Variants in TTYH2 observed in about 807,000 individuals in gnomAD.
TTYH2 encodes tweety family member 2.
TTYH2 carries 49 observed loss-of-function variants against 68.3 expected under a neutral mutation model. The observed-to-expected ratio is 0.72, with a 90% CI of 0.57 to 0.91. TTYH2 has a LOEUF of 0.91. Among genes scored for constraint, TTYH2 ranks in the 40% least tolerant of loss-of-function variants. The pLI is 0.00. For missense variants in TTYH2, 631 were observed against 700.4 expected (o/e 0.90, Z 1.12); for synonymous variants, 272 against 300.8 (o/e 0.90, Z 0.99).
intron 10 of TTYH2, chr17:74,252,023 T>C: frequency 1.7e-6 from 1 of 603,244 alleles, no homozygotes; most frequent in South Asian, 2.0e-5. Flanking sequence ...CAGTAAGTGC[T>C]CAGCAAATGT....
chr17:74,240,312 G>A (rs1481115906), intron 4 of TTYH2, among the ~76,000 whole-genome samples: 3 of 152,270 alleles, frequency 2.0e-5, no homozygotes, highest in African/African-American at 4.8e-5. Flanking sequence ...GGTGGCGCAC[G>A]CCTGTAGTCC....
intron 10 of TTYH2, 110 bp downstream of exon 10, chr17:74,250,467 C>A: frequency 1.1e-6 from 1 of 891,894 alleles, no homozygotes; most frequent in Non-Finnish European, 1.7e-6. Flanking sequence ...GGGTCCCCTT[C>A]CGGCCCAGGA....
At chr17:74,220,806 A>G (rs1417542043) in intron 1 of TTYH2, among the ~76,000 whole-genome samples, 1 of 150,042 alleles carries the variant, frequency 6.7e-6, no homozygotes, top group East Asian at 2.0e-4. Context: ...TTTTTTTTCT[A>G]GAAGGGATCT....
rs1043030127 is a variant in TTYH2, at chr17:74,242,752, T to TG, written c.636-618dup. On this transcript the variant is annotated intron_variant, in intron 4 of 13. Transcript: ENST00000269346. ...AGCAAGGGGGCAAGATGGGAGGCCT[T>TG]GGGGAGCCAGGCTGAGTGTTTGTCA... 3.9e-5 allele frequency among the ~76,000 whole-genome samples: 6 copies of TG among 152,176 alleles called. No individual in the cohort carries two copies. The East Asian group carries it at 5.8e-4, about 15-fold the overall frequency.
intron 13 of TTYH2, among the ~76,000 whole-genome samples, chr17:74,258,085 C>T (rs1048663251): frequency 7.3e-5 from 11 of 151,126 alleles, no homozygotes; most frequent in Admixed American, 1.3e-4. Flanking sequence ...ACCCAGGAGG[C>T]GGAGGTTGTA....
chr17:74,230,546 G>C (rs1216532815), intron 2 of TTYH2, among the ~76,000 whole-genome samples: 1 of 152,172 alleles, frequency 6.6e-6, no homozygotes, highest in Non-Finnish European at 1.5e-5. Context: ...TTTTAGGGTG[G>C]AGTAAGAGGC....
At position 74,237,421 on chromosome 17, in the gene TTYH2, T is replaced by C. The variant is rs751885469; in HGVS notation, c.542T>C (p.Val181Ala). Residue 181 changes from valine to alanine, a missense_variant, in exon 4 of 14, where the codon GTT (valine) becomes GCT (alanine). Val to Ala is a moderately conservative substitution (Grantham distance 64). Transcript: ENST00000269346. ...LKFIQQMAGS[V>A]VVQLSGLPVW... ...TTCATACAGCAGATGGCGGGCAGCG[T>C]TGTTGTTCAGCTCTCAGGACTGCCC... 1 of 1,614,110 alleles carries C rather than the reference T, an allele frequency of 6.2e-7. No individual in the cohort carries two copies. Among genetic ancestry groups the C allele is most frequent in the South Asian group, 1.1e-5 (1 of 91,080 alleles).
chr17:74,248,286 T>C, intron 6 of TTYH2: 1 of 985,686 alleles, frequency 1.0e-6, no homozygotes. Flanking sequence ...GGGGTGCGCC[T>C]GGCTTGGAGG....
At chr17:74,223,148 A>C (rs1211095314) in intron 2 of TTYH2, among the ~76,000 whole-genome samples, 1 of 151,976 alleles carries the variant, frequency 6.6e-6, no homozygotes, top group African/African-American at 2.4e-5. Context: ...TCACTCTGTT[A>C]CCCAGGCTAG....
At chr17:74,237,792 G>A (rs559666923) in intron 4 of TTYH2, among the ~76,000 whole-genome samples, 5 of 152,154 alleles carry the variant, frequency 3.3e-5, no homozygotes, top group African/African-American at 1.2e-4. Flanking sequence ...CGCCACGCCA[G>A]ACTAATTTTT....
chr17:74,235,509 G>A (rs564363284), intron 3 of TTYH2, among the ~76,000 whole-genome samples: 1 of 152,338 alleles, frequency 6.6e-6, no homozygotes, highest in South Asian at 2.1e-4. Context: ...CCCTGGGTCT[G>A]GGCTGTGGGA....
In TTYH2 at chr17:74,253,742, C is replaced by G. The variant is rs2050662624; in HGVS notation, c.1446-13C>G. 3 of 1,614,112 alleles carry G rather than the reference C, an allele frequency of 1.9e-6. No individual in the cohort carries two copies. Among genetic ancestry groups the G allele is most frequent in the Non-Finnish European group, 2.5e-6 (3 of 1,179,974 alleles). ...ACACCATCCCCTCCTGAGCTCTCCT[C>G]TCATCCCCGCAGGAACCAAGCCATG... On this transcript the variant is annotated splice_polypyrimidine_tract_variant and intron_variant, in intron 12 of 13. Coordinates refer to ENST00000269346, the MANE Select transcript of TTYH2 (RefSeq NM_032646.6).
chr17:74,234,203 AG>A (rs1483008525), intron 3 of TTYH2, among the ~76,000 whole-genome samples: 3 of 152,202 alleles, frequency 2.0e-5, no homozygotes, highest in African/African-American at 7.2e-5. Flanking sequence ...TTTGTGAGTG[AG>A]TTCCCAGGGG....
Position 74,232,086 on chromosome 17 carries a change from G to A in TTYH2, c.414+1087G>A, listed in dbSNP as rs979643044. Among the ~76,000 whole-genome samples, 2 of 152,142 alleles carry A rather than the reference G, an allele frequency of 1.3e-5. No homozygotes were observed. Among genetic ancestry groups the A allele is most frequent in the African/African-American group, 4.8e-5 (2 of 41,444 alleles). On this transcript the variant is annotated intron_variant, in intron 3 of 13. Coordinates refer to ENST00000269346, the MANE Select transcript of TTYH2 (RefSeq NM_032646.6). The surrounding 1 kb of genome is among the most constrained non-coding windows in gnomAD (Gnocchi z 5.1). ...CCCACACACGTCATTCTCACTCTAAGCACCAGACCTTTTCAGCTGCTTATC... is the reference window on the plus strand; with the variant it reads ...CCCACACACGTCATTCTCACTCTAAACACCAGACCTTTTCAGCTGCTTATC...
chr17:74,261,827 C>T lies in TTYH2; in HGVS notation c.*1618C>T, dbSNP rs1176164489. 6.6e-6 allele frequency: 1 copy of T among 152,296 alleles called. No individual in the cohort carries two copies. The allele number at this position is 152,296 out of a possible 1,614,324, so 9.4% of individuals were successfully genotyped here. On this transcript the variant is annotated 3_prime_UTR_variant, in exon 14 of 14. Transcript: ENST00000269346. ...TAAACTCACTTTGGTATATCCGCGT[C>T]ACATGCAGAGAGGAACTCTGCGACG...
In TTYH2 at chr17:74,249,363, G is replaced by T. The variant is rs149326468; in HGVS notation, c.894G>T (p.Leu298=). 2.1e-4 allele frequency: 347 copies of T among 1,614,008 alleles called. 1 individual carries two copies. The highest frequency in any genetic ancestry group is 2.7e-4 in the Non-Finnish European group (316 of 1,180,036). Residue 298 remains leucine, a synonymous_variant, in exon 8 of 14, where the codon CTG becomes CTT. Transcript: ENST00000269346. ...CTGCAGAGGTGACTCGCTACTACCTGTATTGCAGCCAGAGTGGAAGCAGCC... is the reference window on the plus strand; with the variant it reads ...CTGCAGAGGTGACTCGCTACTACCTTTATTGCAGCCAGAGTGGAAGCAGCC... The part of the protein sequence containing the change: ...QISTEVTRYY[L]YCSQSGSSPF...
At chr17:74,231,523 AC>A (rs1247480839) in intron 3 of TTYH2, among the ~76,000 whole-genome samples, 1 of 152,010 alleles carries the variant, frequency 6.6e-6, no homozygotes, top group African/African-American at 2.4e-5. Flanking sequence ...CCCTGTCTGT[AC>A]CAAAAATACA....
rs71157049 is a variant in TTYH2 at position 74,247,181 on chromosome 17, C to CAAAA, written c.805-1812_805-1809dup. ...TGGGCGACAGAGTGAGACTCTGTCT[C>CAAAA]AAAAAAAAAAAAAAAAAAAAATCAG... On this transcript the variant is annotated intron_variant, in intron 6 of 13. Coordinates refer to ENST00000269346, the MANE Select transcript of TTYH2 (RefSeq NM_032646.6). Among the ~76,000 whole-genome samples the CAAAA allele has an allele frequency of 1.4e-3, 107 of 77,206 alleles. No individual in the cohort carries two copies. The East Asian group carries it at 0.018, about 13-fold the overall frequency. The allele number at this position is 77,206 out of a possible 152,430, so 50.7% of individuals were successfully genotyped here.
intron 4 of TTYH2, among the ~76,000 whole-genome samples, chr17:74,240,291 T>G (rs886835141): frequency 1.3e-5 from 2 of 152,100 alleles, no homozygotes; most frequent in African/African-American, 4.8e-5. Flanking sequence ...ATACAAAAAT[T>G]AGCTGGACGT....
Sources: allele counts gnomAD v4.1 joint callset (sites outside exome capture counted in the v4.1 genomes callset), GRCh38; gene constraint gnomAD v4.1.1; non-coding constraint Gnocchi (gnomAD v3.1); transcripts MANE v1.5; gene names NCBI Gene and HGNC (gene_info 2026-07-23, HGNC 2026-07-21).